The following IQCH variants were observed in gnomAD, a reference collection of about 807,000 sequenced individuals.
The protein encoded by IQCH is IQ domain-containing protein H.
IQCH carries 98 observed loss-of-function variants against 117.0 expected under a neutral mutation model. The observed-to-expected ratio is 0.84, with a 90% CI of 0.71 to 0.99. The LOEUF (loss-of-function observed/expected upper bound fraction) is 0.99, where lower values mean the gene tolerates loss of function less well. Among genes scored for constraint, IQCH ranks in the 50% least tolerant of loss-of-function variants. The pLI is 0.00. For missense variants in IQCH, 1,102 were observed against 1,243.8 expected, an observed-to-expected ratio of 0.89 and a Z score of 1.72; for synonymous variants, 412 against 448.2, an observed-to-expected ratio of 0.92 and a Z score of 1.02.
intron 8 of IQCH, among the ~76,000 whole-genome samples, chr15:67,371,170 G>A (rs571668093): frequency 1.9e-4 from 29 of 152,134 alleles, no homozygotes; most frequent in African/African-American, 7.0e-4. Context: ...CTGAAAATCT[G>A]TACCCTCCCT....
intron 4 of IQCH, among the ~76,000 whole-genome samples, chr15:67,301,662 G>A (rs1419843430): frequency 2.6e-5 from 4 of 151,620 alleles, no homozygotes; most frequent in Admixed American, 1.3e-4. Flanking sequence ...CACCCACCTC[G>A]GCCTCCCAAA....
rs191612185 is a variant in IQCH at position 67,402,274 on chromosome 15, C to A, written c.2097+1969C>A. On this transcript the variant is annotated intron_variant, in intron 14 of 20. Transcript: ENST00000335894. ...GAAAATATAATTATTCAGAAATCTC[C>A]TTACAGTCTGAGGCCAGTGCTTAGC... is the stretch of plus-strand genomic sequence containing the variant. Among the ~76,000 whole-genome samples, 17 of 152,256 alleles carry A rather than the reference C, an allele frequency of 1.1e-4. No individual in the cohort carries two copies. The East Asian group carries it at 3.1e-3, about 28-fold the overall frequency.
At chr15:67,483,473 C>T (rs144240191) in intron 18 of IQCH, among the ~76,000 whole-genome samples, 20 of 152,326 alleles carry the variant, frequency 1.3e-4, no homozygotes, top group African/African-American at 3.6e-4. Context: ...GCCAAGATCG[C>T]GCTACTGCGC....
rs117272676 is a variant in IQCH at position 67,317,157 on chromosome 15, C to A, written c.388-19818C>A. Among the ~76,000 whole-genome samples the A allele has an allele frequency of 3.1e-3, 467 of 152,220 alleles. 2 individuals carry two copies. Among genetic ancestry groups the A allele is most frequent in the Non-Finnish European group, 5.6e-3 (379 of 68,008 alleles). On this transcript the variant is annotated intron_variant, in intron 4 of 20. Coordinates refer to ENST00000335894, the MANE Select transcript of IQCH (RefSeq NM_001031715.3). ...TATTTGTGTGTGACTTTGAATAATACCTTGTTAAAGACCTGTATAATTGAG... is the reference window on the plus strand; with the variant it reads ...TATTTGTGTGTGACTTTGAATAATAACTTGTTAAAGACCTGTATAATTGAG...
intron 6 of IQCH, among the ~76,000 whole-genome samples, chr15:67,348,829 A>G (rs1177398647): frequency 1.3e-5 from 2 of 152,238 alleles, no homozygotes; most frequent in East Asian, 3.8e-4. Flanking sequence ...AAAGGAAAAC[A>G]GCATTGGAGG....
Position 67,366,339 on chromosome 15 carries a change from G to A in IQCH, c.754-5772G>A, listed in dbSNP as rs1283260355. Among the ~76,000 whole-genome samples, 2 of 152,202 alleles carry A rather than the reference G, an allele frequency of 1.3e-5. No individual in the cohort carries two copies. Among genetic ancestry groups the A allele is most frequent in the Non-Finnish European group, 2.9e-5 (2 of 68,030 alleles). On this transcript the variant is annotated intron_variant, in intron 8 of 20. Transcript: ENST00000335894. This position sits in a 1 kb window ranked among gnomAD's most constrained non-coding sequence, Gnocchi z 4.4. ...AATCAATGCAGCAGTAAAATGAAAT[G>A]TGTCTCTAGAAGGAAATTTCACATT... is the stretch of plus-strand genomic sequence containing the variant.
At chr15:67,455,379 T>G (rs1027148177) in intron 16 of IQCH, among the ~76,000 whole-genome samples, 1 of 152,342 alleles carries the variant, frequency 6.6e-6, no homozygotes, top group Admixed American at 6.5e-5. Context: ...CTCTTCCCCT[T>G]GTGAGCCGCA....
At chr15:67,420,153 T>C (rs1436424246) in intron 15 of IQCH, among the ~76,000 whole-genome samples, 1 of 152,208 alleles carries the variant, frequency 6.6e-6, no homozygotes, top group Non-Finnish European at 1.5e-5. Flanking sequence ...AAAATTAGGA[T>C]TTGAATATGT....
rs1440875460 is a variant in IQCH, at chr15:67,411,089, T to C, written c.2098-5842T>C. Among the ~76,000 whole-genome samples, 1 of 152,178 alleles carries C rather than the reference T, an allele frequency of 6.6e-6. No individual in the cohort carries two copies. The highest frequency in any genetic ancestry group is 2.4e-5 in the African/African-American group (1 of 41,440). ...TAATTATTAAAAGCTTTTAGGATTT[T>C]AATAAAGCCTAAAAAGTGACTAAAA... On this transcript the variant is annotated intron_variant, in intron 14 of 20. Transcript: ENST00000335894. The surrounding 1 kb of genome is among the most constrained non-coding windows in gnomAD (Gnocchi z 4.4).
In IQCH at chr15:67,381,337, T is replaced by G. The variant is rs1445706606; in HGVS notation, c.1373-3599T>G. ...TGGGGGACCAGAAGTAGTAGATGAG[T>G]AACTTCAGAGAGGCAGCTCTCAGGT... is the stretch of plus-strand genomic sequence containing the variant. On this transcript the variant is annotated intron_variant, in intron 10 of 20. Transcript: ENST00000335894. This position sits in a 1 kb window ranked among gnomAD's most constrained non-coding sequence, Gnocchi z 5.1. 6.6e-6 allele frequency among the ~76,000 whole-genome samples: 1 copy of G among 152,194 alleles called. No individual in the cohort carries two copies. The highest frequency in any genetic ancestry group is 2.4e-5 in the African/African-American group (1 of 41,446).
chr15:67,412,840 C>G (rs891080824), intron 14 of IQCH, among the ~76,000 whole-genome samples: 1 of 152,204 alleles, frequency 6.6e-6, no homozygotes, highest in African/African-American at 2.4e-5. Flanking sequence ...CTGTTATTTT[C>G]TGTCTTTCAT....
intron 17 of IQCH, among the ~76,000 whole-genome samples, chr15:67,471,558 C>G (rs941086526): frequency 7.9e-5 from 12 of 152,174 alleles, no homozygotes; most frequent in Non-Finnish European, 1.8e-4. Context: ...TGGTACATAG[C>G]AAAGCCCAGG....
At chr15:67,435,303 A>G (rs1596369802) in intron 16 of IQCH, among the ~76,000 whole-genome samples, 1 of 151,994 alleles carries the variant, frequency 6.6e-6, no homozygotes, top group East Asian at 1.9e-4. Context: ...AAAAGTCTAT[A>G]TGTAGGCAGG....
At chr15:67,269,856 A>G (rs1331296008) in intron 3 of IQCH, among the ~76,000 whole-genome samples, 2 of 152,288 alleles carry the variant, frequency 1.3e-5, no homozygotes, top group Middle Eastern at 3.4e-3. Context: ...TTGTGTATAT[A>G]TACCACATTT....
intron 10 of IQCH, among the ~76,000 whole-genome samples, chr15:67,377,060 T>A (rs1427485577): frequency 7.1e-6 from 1 of 141,716 alleles, no homozygotes; most frequent in Non-Finnish European, 1.5e-5. Context: ...GAGGTTGCAG[T>A]GAGCCGAGAT....
chr15:67,337,198 C>A, intron 5 of IQCH, 103 bp downstream of exon 5: 1 of 1,323,342 alleles, frequency 7.6e-7, no homozygotes, highest in Non-Finnish European at 1.1e-6. Context: ...GCCACTAATT[C>A]TCCTGGGTGG....
At chr15:67,307,295 T>C (rs1042469632) in intron 4 of IQCH, 1 of 407,820 alleles carries the variant, frequency 2.5e-6, no homozygotes, top group Non-Finnish European at 3.3e-6. Context: ...ATGAGTCATA[T>C]GTTATGCAGT....
chr15:67,380,480 A>G (rs1342898055), intron 10 of IQCH, among the ~76,000 whole-genome samples: 2 of 152,190 alleles, frequency 1.3e-5, no homozygotes, highest in African/African-American at 2.4e-5. Context: ...TTGGGAACCC[A>G]CCTTCTTGCT....
In IQCH at chr15:67,403,143, G is replaced by C. The variant is rs1328709623; in HGVS notation, c.2097+2838G>C. ...TGCATGCCTGTAGTACCAGCTACTT[G>C]GGAGGCTGAGGCAGGAGAATTGCTT... On this transcript the variant is annotated intron_variant, in intron 14 of 20. Transcript: ENST00000335894. This position sits in a 1 kb window ranked among gnomAD's most constrained non-coding sequence, Gnocchi z 4.8. Among the ~76,000 whole-genome samples the C allele has an allele frequency of 1.3e-5, 2 of 152,018 alleles. No homozygotes were observed. Among genetic ancestry groups the C allele is most frequent in the East Asian group, 3.9e-4 (2 of 5,176 alleles).
Sources: gnomAD v4.1 joint callset for allele counts (sites outside exome capture counted in the v4.1 genomes callset) on GRCh38, gnomAD v4.1.1 for gene constraint, Gnocchi (gnomAD v3.1) non-coding constraint, MANE v1.5 for transcripts, NCBI Gene and HGNC (gene_info 2026-07-23, HGNC 2026-07-21) for gene names.